Variants in ZFPM2 observed in about 807,000 individuals in gnomAD.
ZFPM2 encodes zinc finger protein, FOG family member 2, also known as zinc finger protein ZFPM2.
Under a neutral mutation model 98.6 loss-of-function variants are expected in ZFPM2, and 20 were observed. That is an observed-to-expected ratio of 0.20 (90% CI 0.14 to 0.29). The LOEUF (loss-of-function observed/expected upper bound fraction) is 0.29. Ranked by LOEUF, ZFPM2 falls within the 10% of genes least tolerant of loss-of-function variation. ZFPM2 has a pLI of 1.00. For synonymous variants in ZFPM2, 518 were observed against 502.7 expected (o/e 1.03, Z -0.41); for missense variants, 1,310 against 1,388.6 (o/e 0.94, Z 0.90).
chr8:105,651,046 C>G (rs946214378), intron 5 of ZFPM2, among the ~76,000 whole-genome samples: 3 of 152,126 alleles, frequency 2.0e-5, no homozygotes, highest in African/African-American at 7.2e-5. Context: ...TACAGGTCTC[C>G]TGCAGTCTAC....
intron 5 of ZFPM2, among the ~76,000 whole-genome samples, chr8:105,698,610 A>G (rs1486525661): frequency 2.0e-5 from 3 of 152,190 alleles, no homozygotes; most frequent in South Asian, 4.1e-4. Context: ...CCCAAGTTGG[A>G]AAAACTTGAT....
intron 5 of ZFPM2, among the ~76,000 whole-genome samples, chr8:105,779,655 T>C (rs2131108046): frequency 6.6e-6 from 1 of 152,322 alleles, no homozygotes; most frequent in South Asian, 2.1e-4. Context: ...GGTTACTGAA[T>C]TGCTCCTGGT....
intron 4 of ZFPM2, among the ~76,000 whole-genome samples, chr8:105,568,124 G>T (rs1308123737): frequency 6.6e-6 from 1 of 151,958 alleles, no homozygotes; most frequent in African/African-American, 2.4e-5. Context: ...CACTTGCAAA[G>T]CTTCAGCTAC....
chr8:105,702,205 G>A (rs1328748467), intron 5 of ZFPM2, among the ~76,000 whole-genome samples: 1 of 152,144 alleles, frequency 6.6e-6, no homozygotes, highest in Non-Finnish European at 1.5e-5. Context: ...TCAAGAACAA[G>A]CAGGTTTCCA....
chr8:105,364,086 T>A (rs1810457413), intron 1 of ZFPM2, among the ~76,000 whole-genome samples: 1 of 152,082 alleles, frequency 6.6e-6, no homozygotes, highest in African/African-American at 2.4e-5. Context: ...TTAGCTTCAA[T>A]ACAGAATTCT....
At chr8:105,408,066 T>A (rs77822067) in intron 1 of ZFPM2, among the ~76,000 whole-genome samples, 8,289 of 151,840 alleles carry the variant, frequency 0.055, 778 homozygotes, top group African/African-American at 0.19. Context: ...ATTGTAGGCT[T>A]TGTTATCAAA....
At chr8:105,680,313 T>A (rs1258575846) in intron 5 of ZFPM2, among the ~76,000 whole-genome samples, 1 of 152,204 alleles carries the variant, frequency 6.6e-6, no homozygotes, top group Non-Finnish European at 1.5e-5. Context: ...CCTTGCTTAT[T>A]TTAAGAGTTC....
chr8:105,714,221 G>A (rs1453592789), intron 5 of ZFPM2, among the ~76,000 whole-genome samples: 2 of 151,888 alleles, frequency 1.3e-5, no homozygotes, highest in Non-Finnish European at 2.9e-5. Flanking sequence ...GGGACAGGGG[G>A]TTGCAATTGT....
chr8:105,764,194 G>A (rs931017051), intron 5 of ZFPM2, among the ~76,000 whole-genome samples: 26 of 151,554 alleles, frequency 1.7e-4, no homozygotes, highest in Non-Finnish European at 3.1e-4. Context: ...ATTGCCTTGT[G>A]ATACATGAAC....
intron 5 of ZFPM2, among the ~76,000 whole-genome samples, chr8:105,739,872 A>T (rs1192637902): frequency 6.6e-6 from 1 of 152,060 alleles, no homozygotes; most frequent in African/African-American, 2.4e-5. Context: ...CAAATAATAG[A>T]TGCCATGCTT....
intron 3 of ZFPM2, among the ~76,000 whole-genome samples, chr8:105,534,626 G>A (rs1000691544): frequency 3.3e-5 from 5 of 152,118 alleles, no homozygotes; most frequent in Middle Eastern, 3.2e-3. Flanking sequence ...AAGAGAAGGA[G>A]AAGAATATCT....
At chr8:105,522,657 C>G (rs1028866565) in intron 3 of ZFPM2, among the ~76,000 whole-genome samples, 3 of 151,882 alleles carry the variant, frequency 2.0e-5, no homozygotes, top group African/African-American at 7.3e-5. Flanking sequence ...GTAATCCCAG[C>G]TTACTCGGGA....
intron 5 of ZFPM2, among the ~76,000 whole-genome samples, chr8:105,763,056 C>T (rs966524409): frequency 4.9e-5 from 7 of 141,996 alleles, no homozygotes; most frequent in African/African-American, 1.3e-4. Flanking sequence ...GACTTTATTT[C>T]TTTCTTTTTT....
chr8:105,556,542 A>G (rs1276394043), intron 3 of ZFPM2, among the ~76,000 whole-genome samples: 1 of 152,154 alleles, frequency 6.6e-6, no homozygotes. Flanking sequence ...GGCTTATTAC[A>G]GTTACTCTTC....
At chr8:105,639,081 A>G (rs1241254319) in intron 5 of ZFPM2, among the ~76,000 whole-genome samples, 3 of 152,062 alleles carry the variant, frequency 2.0e-5, no homozygotes. Context: ...AAAAAGCATA[A>G]TGCTGAAGTT....
intron 2 of ZFPM2, among the ~76,000 whole-genome samples, chr8:105,425,997 A>C (rs1366784869): frequency 6.6e-6 from 1 of 152,118 alleles, no homozygotes; most frequent in Non-Finnish European, 1.5e-5. Context: ...CTATTTTGCT[A>C]TATTTTATAA....
chr8:105,714,066 G>A (rs1317604484), intron 5 of ZFPM2, among the ~76,000 whole-genome samples: 1 of 151,936 alleles, frequency 6.6e-6, no homozygotes, highest in Non-Finnish European at 1.5e-5. Flanking sequence ...ACATTTTGAT[G>A]ATATTGATTC....
At chr8:105,606,858 G>C (rs1816206883) in intron 4 of ZFPM2, among the ~76,000 whole-genome samples, 1 of 152,064 alleles carries the variant, frequency 6.6e-6, no homozygotes, top group African/African-American at 2.4e-5. Context: ...AACTGTTTAG[G>C]ATATTCTGCC....
intron 1 of ZFPM2, among the ~76,000 whole-genome samples, chr8:105,411,819 G>A (rs1811583463): frequency 1.3e-5 from 2 of 151,664 alleles, no homozygotes; most frequent in Admixed American, 6.6e-5. Flanking sequence ...TTTTCTCAAT[G>A]CCTGAGTTAC....
Sources: gnomAD v4.1 joint callset for allele counts (sites outside exome capture counted in the v4.1 genomes callset) on GRCh38, gnomAD v4.1.1 for gene constraint, MANE v1.5 for transcripts, NCBI Gene and HGNC (gene_info 2026-07-23, HGNC 2026-07-21) for gene names.